Variants in AMMECR1 observed in about 807,000 individuals in gnomAD.
AMMECR1 encodes the protein nuclear protein AMMECR1.
Under a neutral mutation model 22.5 loss-of-function variants are expected in AMMECR1, and 3 were observed. The observed-to-expected ratio is 0.13, with a 90% CI of 0.06 to 0.35. AMMECR1 has a LOEUF of 0.35. Ranked by LOEUF, AMMECR1 falls within the 10% of genes least tolerant of loss-of-function variation. AMMECR1 has a pLI of 1.00. For synonymous variants in AMMECR1, 130 were observed against 116.7 expected (o/e 1.11, Z -0.74); for missense variants, 235 against 278.7 (o/e 0.84, Z 1.12).
intron 2 of AMMECR1, among the ~76,000 whole-genome samples, chrX:110,333,360 G>A (rs1421268304): frequency 1.8e-5 from 2 of 111,974 alleles, no homozygotes; most frequent in Non-Finnish European, 3.8e-5. Context: ...TGGAGAAATA[G>A]GGACGCTTTT....
chrX:110,410,929 C>G (rs1340315940), intron 2 of AMMECR1, among the ~76,000 whole-genome samples: 1 of 112,363 alleles, frequency 8.9e-6, no homozygotes, highest in Non-Finnish European at 1.9e-5. Flanking sequence ...AATGCCAAAT[C>G]TCTTTATTTA....
chrX:110,217,153 C>T (rs1482883147), intron 2 of AMMECR1, among the ~76,000 whole-genome samples: 1 of 106,184 alleles, frequency 9.4e-6, no homozygotes, highest in East Asian at 2.9e-4. Context: ...TAGAACAGCA[C>T]TCAAAGAATT....
chrX:110,409,151 G>A (rs984456930), intron 2 of AMMECR1, among the ~76,000 whole-genome samples: 4 of 111,281 alleles, frequency 3.6e-5, no homozygotes, highest in African/African-American at 1.3e-4. Flanking sequence ...ATGTAGGTCA[G>A]CATAGTCGGG....
chrX:110,386,909 A>T (rs770414363), intron 2 of AMMECR1, among the ~76,000 whole-genome samples: 1 of 112,427 alleles, frequency 8.9e-6, no homozygotes, highest in Non-Finnish European at 1.9e-5. Flanking sequence ...TTAAATAATT[A>T]TAACATGTTT....
chrX:110,379,192 T>G lies in AMMECR1; in HGVS notation c.-148+47466A>C, dbSNP rs149114534. 1.7e-3 allele frequency among the ~76,000 whole-genome samples: 192 copies of G among 112,462 alleles called. 4 individuals are homozygous for G. The East Asian group carries it at 0.045, about 26-fold the overall frequency. ...TCTAGTGCTCCATTCTTGATTGTTTTCCATTTCTATTATAGCTTTCAAGGA... is the reference window on the plus strand; with the variant it reads ...TCTAGTGCTCCATTCTTGATTGTTTGCCATTTCTATTATAGCTTTCAAGGA... On this transcript the variant is annotated intron_variant, in intron 2 of 7. Transcript: ENST00000372057.
At chrX:110,221,941 A>G (rs1301994235) in intron 2 of AMMECR1, among the ~76,000 whole-genome samples, 1 of 108,471 alleles carries the variant, frequency 9.2e-6, no homozygotes, top group Non-Finnish European at 1.9e-5. Context: ...AAAAGTCAGG[A>G]AACAACAGGT....
chrX:110,328,434 T>C (rs1244296833), intron 2 of AMMECR1, among the ~76,000 whole-genome samples: 2 of 95,744 alleles, frequency 2.1e-5, no homozygotes, highest in Non-Finnish European at 4.0e-5. Flanking sequence ...TTTTTTCTTT[T>C]TCTCTTTTTT....
chrX:110,265,486 A>G (rs996836739), intron 1 of AMMECR1, among the ~76,000 whole-genome samples: 2 of 112,246 alleles, frequency 1.8e-5, no homozygotes, highest in African/African-American at 6.5e-5. Context: ...ACGTGGTTTT[A>G]GATGAAGTTT....
At chrX:110,250,009 C>A (rs905032784) in intron 2 of AMMECR1, among the ~76,000 whole-genome samples, 2 of 111,896 alleles carry the variant, frequency 1.8e-5, no homozygotes, top group African/African-American at 3.2e-5. Flanking sequence ...GTTACTCCTG[C>A]AGTTGAATAG....
chrX:110,277,863 A>C (rs2067833979), intron 1 of AMMECR1, among the ~76,000 whole-genome samples: 1 of 112,151 alleles, frequency 8.9e-6, no homozygotes, highest in African/African-American at 3.2e-5. Context: ...AGCCCATGCC[A>C]AAAATAGCTC....
At chrX:110,332,761 G>C (rs1212470321) in intron 2 of AMMECR1, among the ~76,000 whole-genome samples, 1 of 111,481 alleles carries the variant, frequency 9.0e-6, no homozygotes, top group Non-Finnish European at 1.9e-5. Flanking sequence ...ACTTGTCCCA[G>C]AGGGTTAACA....
chrX:110,417,392 G>A (rs1337034012), intron 2 of AMMECR1, among the ~76,000 whole-genome samples: 2 of 112,614 alleles, frequency 1.8e-5, no homozygotes, highest in African/African-American at 6.5e-5. Context: ...GCTAGGCTAG[G>A]CAGCAAGAGA....
Position 110,239,498 on chromosome X carries a change from AAAAAAGAATG to A in AMMECR1, c.585-22876_585-22867del, listed in dbSNP as rs201614166. ...GTAAAGCATGAAGACAAGATTAGAG[AAAAAAGAATG>A]AAAAGGAATGAGCAAAGCCTCCAAG... On this transcript the variant is annotated intron_variant, in intron 2 of 5. Coordinates refer to ENST00000262844, the MANE Select transcript of AMMECR1 (RefSeq NM_015365.3). 5.9e-3 allele frequency among the ~76,000 whole-genome samples: 661 copies of A among 111,658 alleles called. 5 individuals carry two copies. Among genetic ancestry groups the A allele is most frequent in the African/African-American group, 0.021 (631 of 30,758 alleles).
At chrX:110,321,063 T>C (rs935177778), upstream of AMMECR1, among the ~76,000 whole-genome samples, 1 of 111,729 alleles carries the variant, frequency 9.0e-6, no homozygotes, top group African/African-American at 3.3e-5. Context: ...TCTTGTAAAG[T>C]CACCAGCATA....
At chrX:110,421,685 C>T (rs2068718523) in intron 2 of AMMECR1, among the ~76,000 whole-genome samples, 1 of 112,814 alleles carries the variant, frequency 8.9e-6, no homozygotes. Context: ...TTCAACTCAT[C>T]GATCCTCTTC....
rs1278036660 is a variant in AMMECR1 at position 110,226,575 on chromosome X, C to A, written c.585-9943G>T. Among the ~76,000 whole-genome samples, 7 of 111,045 alleles carry A rather than the reference C, an allele frequency of 6.3e-5. No homozygotes were observed. In the Admixed American group the frequency reaches 6.7e-4, roughly 11 times the overall value. On this transcript the variant is annotated intron_variant, in intron 2 of 5. Coordinates refer to ENST00000262844, the MANE Select transcript of AMMECR1 (RefSeq NM_015365.3). The stretch of plus-strand genomic sequence containing the variant: ...TGAGTTGAGATTGCGCCACTGCACT[C>A]CAGCCCAGGCAACAAAGTGAGACTC...
chrX:110,379,893 A>G (rs1339192998), intron 2 of AMMECR1, among the ~76,000 whole-genome samples: 3 of 111,483 alleles, frequency 2.7e-5, no homozygotes, highest in Non-Finnish European at 5.7e-5. Flanking sequence ...GTGTAGATGT[A>G]TCTATATATA....
rs150193442 is a variant in AMMECR1 at position 110,424,037 on chromosome X, A to C, written c.-148+2621T>G. Among the ~76,000 whole-genome samples the C allele has an allele frequency of 7.3e-3, 817 of 111,935 alleles. 8 individuals are homozygous for C. Among genetic ancestry groups the C allele is most frequent in the African/African-American group, 0.026 (790 of 30,709 alleles). On this transcript the variant is annotated intron_variant, in intron 2 of 7. Transcript: ENST00000372057. ...GAGGTGTTGTGCTATGATATGCTTT[A>C]TATACCATATCTTATTTCATCCTCA...
chrX:110,215,964 T>C (rs747337889), intron 3 of AMMECR1, among the ~76,000 whole-genome samples: 2 of 112,159 alleles, frequency 1.8e-5, no homozygotes, highest in Admixed American at 1.9e-4. Flanking sequence ...ACAATAGCAA[T>C]GCACAGAGAT....
Sources: gnomAD v4.1 joint callset for allele counts (sites outside exome capture counted in the v4.1 genomes callset) on GRCh38, gnomAD v4.1.1 for gene constraint, MANE v1.5 for transcripts, NCBI Gene and HGNC (gene_info 2026-07-23, HGNC 2026-07-21) for gene names.